The following LY86 variants were observed in gnomAD, a reference collection of about 807,000 sequenced individuals.
The protein encoded by LY86 is MD-1, RP105-associated.
A neutral mutation model predicts 17.3 loss-of-function variants in LY86; 20 were observed. That is an observed-to-expected ratio of 1.15 (90% confidence interval 0.81 to 1.68). The LOEUF (loss-of-function observed/expected upper bound fraction) is 1.68, where lower values mean the gene tolerates loss of function less well. Ranked by LOEUF, LY86 falls within the 40% of genes most tolerant of loss-of-function variation. LY86 has a pLI of 0.00. For missense variants in LY86, 200 were observed against 191.9 expected (o/e 1.04, Z -0.25); for synonymous variants, 74 against 70.6 (o/e 1.05, Z -0.24).
chr6:6,589,162 T>C (rs1269537007), intron 1 of LY86, among the ~76,000 whole-genome samples: 1 of 152,112 alleles, frequency 6.6e-6, no homozygotes, highest in Non-Finnish European at 1.5e-5. Context: ...AAGAACAAAA[T>C]GATCAGTGAG....
At chr6:6,608,178 CAAGAAA>C (rs1374125749) in intron 1 of LY86, among the ~76,000 whole-genome samples, 1 of 151,922 alleles carries the variant, frequency 6.6e-6, no homozygotes, top group African/African-American at 2.4e-5. Flanking sequence ...TGTAGTAAGA[CAAGAAA>C]AAGAAAATGT....
At chr6:6,611,850 T>G (rs551606962) in intron 1 of LY86, among the ~76,000 whole-genome samples, 1 of 152,240 alleles carries the variant, frequency 6.6e-6, no homozygotes, top group South Asian at 2.1e-4. Flanking sequence ...CTCCTGTCAA[T>G]CTAGCATCTC....
intron 3 of LY86, among the ~76,000 whole-genome samples, chr6:6,643,358 A>G (rs1452818070): frequency 6.6e-6 from 1 of 152,258 alleles, no homozygotes; most frequent in East Asian, 1.9e-4. Context: ...AAATTCTGCC[A>G]TTTGCAACAA....
In LY86 at chr6:6,649,650, C is replaced by G. The variant is rs768081410; in HGVS notation, c.378C>G (p.Val126=). 5 of 1,574,484 alleles carry G rather than the reference C, an allele frequency of 3.2e-6. No individual in the cohort carries two copies. In the Admixed American group the frequency reaches 8.5e-5, roughly 27 times the overall value. ...KGEQIYYAGP[V]NNPEFTIPQG... is the part of the protein sequence containing the mutation. ...AGCAGATTTACTATGCTGGGCCTGT[C>G]AATAATCCTGAATTTACTATTCCTC... Residue 126 remains valine (V), a synonymous_variant, in exon 4 of 5, where the codon GTC becomes GTG. Coordinates refer to ENST00000230568, the MANE Select transcript of LY86 (RefSeq NM_004271.4).
chr6:6,643,485 G>C (rs151001348), intron 3 of LY86, among the ~76,000 whole-genome samples: 2,905 of 152,362 alleles, frequency 0.019, 45 homozygotes, highest in Non-Finnish European at 0.03. Flanking sequence ...GAGTAGATGA[G>C]TGGTTGGCAG....
At chr6:6,602,776 C>G (rs1581233610) in intron 1 of LY86, among the ~76,000 whole-genome samples, 1 of 152,256 alleles carries the variant, frequency 6.6e-6, no homozygotes, top group Middle Eastern at 3.4e-3. Context: ...TTGTTGAGAG[C>G]TGTTCCTGTA....
At position 6,618,184 on chromosome 6, in the gene LY86, A is replaced by G. The variant is rs563225568; in HGVS notation, c.137-6742A>G. On this transcript the variant is annotated intron_variant, in intron 1 of 4. Transcript: ENST00000230568. The stretch of plus-strand genomic sequence containing the variant: ...TCCTAAGATGCAAAGATCAGACAAA[A>G]CTGCCTCAATTAGGTCATTATTTTC... 1.9e-3 allele frequency among the ~76,000 whole-genome samples: 295 copies of G among 152,286 alleles called. 2 individuals are homozygous for G. The highest frequency in any genetic ancestry group is 6.4e-3 in the African/African-American group (268 of 41,572).
intron 3 of LY86, among the ~76,000 whole-genome samples, chr6:6,647,932 A>G (rs1441812680): frequency 2.6e-5 from 4 of 151,492 alleles, no homozygotes; most frequent in Non-Finnish European, 2.9e-5. Flanking sequence ...ATTCTTATTA[A>G]CCATCTCCCA....
chr6:6,646,148 T>C (rs1220180172), intron 3 of LY86, among the ~76,000 whole-genome samples: 1 of 152,108 alleles, frequency 6.6e-6, no homozygotes, highest in Non-Finnish European at 1.5e-5. Flanking sequence ...GCATGACAAA[T>C]GAACCCCGGG....
At chr6:6,613,567 A>G (rs943102814) in intron 1 of LY86, among the ~76,000 whole-genome samples, 23 of 152,062 alleles carry the variant, frequency 1.5e-4, no homozygotes, top group African/African-American at 5.5e-4. Context: ...TCCCACGCCC[A>G]CCGGGAACTC....
chr6:6,625,926 G>A (rs1761777180), intron 2 of LY86, among the ~76,000 whole-genome samples: 1 of 152,158 alleles, frequency 6.6e-6, no homozygotes, highest in African/African-American at 2.4e-5. Context: ...GTATGTAGGC[G>A]TGACCACACC....
In LY86 at chr6:6,645,452, A is replaced by G. The variant is rs908171004; in HGVS notation, c.353-4173A>G. Reference sequence around the variant, plus strand: ...GCAAGCACAAAAGCTGAGTTGCAGGATGGCTGAGCAAATTGCCCAACATCA... The same window carrying G: ...GCAAGCACAAAAGCTGAGTTGCAGGGTGGCTGAGCAAATTGCCCAACATCA... On this transcript the variant is annotated intron_variant, in intron 3 of 4. Coordinates refer to ENST00000230568, the MANE Select transcript of LY86 (RefSeq NM_004271.4). Among the ~76,000 whole-genome samples the G allele has an allele frequency of 2.0e-5, 3 of 152,100 alleles. No individual in the cohort carries two copies. The East Asian group carries it at 5.8e-4, about 29-fold the overall frequency.
At chr6:6,591,407 A>G (rs1760520843) in intron 1 of LY86, 2 of 153,820 alleles carry the variant, frequency 1.3e-5, no homozygotes, top group African/African-American at 4.8e-5. Flanking sequence ...CTTTGTGTGA[A>G]AGGCTGTAGT....
chr6:6,615,122 CA>C (rs901708013), intron 1 of LY86, among the ~76,000 whole-genome samples: 1 of 151,854 alleles, frequency 6.6e-6, no homozygotes, highest in East Asian at 1.9e-4. Context: ...AGGAAATGAG[CA>C]AAAAAAACTT....
At chr6:6,612,155 C>T (rs1027637338) in intron 1 of LY86, among the ~76,000 whole-genome samples, 3 of 149,582 alleles carry the variant, frequency 2.0e-5, no homozygotes, top group African/African-American at 5.0e-5. Flanking sequence ...ATAGATGTGT[C>T]CACAATTTGG....
chr6:6,605,141 C>G (rs1455067509), intron 1 of LY86, among the ~76,000 whole-genome samples: 1 of 151,428 alleles, frequency 6.6e-6, no homozygotes, highest in African/African-American at 2.4e-5. Flanking sequence ...GAATGACAAG[C>G]AAAGTAGCAA....
chr6:6,649,337 T>C (rs1008280293), intron 3 of LY86, among the ~76,000 whole-genome samples: 1 of 152,224 alleles, frequency 6.6e-6, no homozygotes, highest in African/African-American at 2.4e-5. Flanking sequence ...AGTGGGGACA[T>C]AGCCAGACCT....
Position 6,654,637 on chromosome 6 carries a change from G to C in LY86, c.*10G>C. ...TATCATGTGCTCCTGACTGTGGCCT[G>C]TAGCAAAAATCACAGCCAGCTGCAT... is the stretch of plus-strand genomic sequence containing the variant. On this transcript the variant is annotated 3_prime_UTR_variant, in exon 5 of 5. Transcript: ENST00000230568. The C allele has an allele frequency of 6.2e-7, 1 of 1,613,114 alleles. No homozygotes were observed. Among genetic ancestry groups the C allele is most frequent in the South Asian group, 1.1e-5 (1 of 90,976 alleles).
chr6:6,596,243 G>T (rs757900026), intron 1 of LY86, among the ~76,000 whole-genome samples: 1 of 152,140 alleles, frequency 6.6e-6, no homozygotes, highest in Admixed American at 6.5e-5. Flanking sequence ...AAACAACCTC[G>T]CCATGTAGCA....
Sources: allele counts gnomAD v4.1 joint callset (sites outside exome capture counted in the v4.1 genomes callset), GRCh38; gene constraint gnomAD v4.1.1; transcripts MANE v1.5; gene names NCBI Gene and HGNC (gene_info 2026-07-23, HGNC 2026-07-21).